CFAP58: variants seen among roughly 807,000 people sequenced by gnomAD.
The protein encoded by CFAP58 is cilia- and flagella-associated protein 58.
In CFAP58, 88 loss-of-function variants were observed where a neutral mutation model predicts 119.5. The observed-to-expected ratio is 0.74, with a 90% CI of 0.62 to 0.88. The LOEUF (loss-of-function observed/expected upper bound fraction) is 0.88, where lower values mean the gene tolerates loss of function less well. CFAP58 is among the 40% of genes least tolerant of loss of function. CFAP58 has a pLI of 0.00. For synonymous variants in CFAP58, 365 were observed against 366.3 expected (o/e 1.00, Z 0.04); for missense variants, 990 against 1,021.2 (o/e 0.97, Z 0.42).
At chr10:104,353,971 A>G in intron 1 of CFAP58, 65 bp downstream of exon 1, 2 of 1,572,092 alleles carry the variant, frequency 1.3e-6, no homozygotes, top group Non-Finnish European at 1.7e-6. Context: ...TCTCCTACTG[A>G]CGATTGTCAC....
At chr10:104,394,716 A>G (rs2012116744) in intron 11 of CFAP58, among the ~76,000 whole-genome samples, 2 of 152,242 alleles carry the variant, frequency 1.3e-5, no homozygotes, top group East Asian at 3.8e-4. Context: ...TATGACAGAA[A>G]AAGAATAGAA....
intron 10 of CFAP58, among the ~76,000 whole-genome samples, chr10:104,392,744 A>T (rs1184355115): frequency 1.3e-5 from 2 of 148,344 alleles, no homozygotes; most frequent in Non-Finnish European, 3.0e-5. Context: ...GGTTCAAGTG[A>T]TTCTCCTGCC....
upstream of CFAP58, among the ~76,000 whole-genome samples, chr10:104,348,885 G>A (rs563151050): frequency 6.6e-6 from 1 of 152,162 alleles, no homozygotes; most frequent in Non-Finnish European, 1.5e-5. Flanking sequence ...ATACAGCAGA[G>A]TGCTGGCTGG....
At chr10:104,398,535 C>G (rs1471204816) in intron 11 of CFAP58, among the ~76,000 whole-genome samples, 2 of 152,162 alleles carry the variant, frequency 1.3e-5, no homozygotes, top group Admixed American at 6.5e-5. Flanking sequence ...AAAAATTGTC[C>G]TGCTGAAACT....
At chr10:104,340,842 A>C in the CFAP58 span, among the ~76,000 whole-genome samples, 10 of 152,158 alleles carry the variant, frequency 6.6e-5, no homozygotes, top group East Asian at 1.9e-3. Flanking sequence ...TGGACTTGAG[A>C]TCTCTGCCTA....
At chr10:104,374,432 C>A (rs2014862162) in intron 7 of CFAP58, among the ~76,000 whole-genome samples, 1 of 111,916 alleles carries the variant, frequency 8.9e-6, no homozygotes, top group East Asian at 2.8e-4. Context: ...GCCTGGGTGA[C>A]AGAGCGAGAC....
At chr10:104,351,463 C>G (rs2014458589), upstream of CFAP58, 1 of 152,218 alleles carries the variant, frequency 6.6e-6, no homozygotes, top group African/African-American at 2.4e-5. Context: ...AGCATGATGA[C>G]TAACTAAAAA....
the CFAP58 span, among the ~76,000 whole-genome samples, chr10:104,341,358 T>TA: frequency 6.6e-6 from 1 of 151,850 alleles, no homozygotes; most frequent in African/African-American, 2.4e-5. Context: ...GTAAATGTAA[T>TA]AAACAGGAAA....
intron 12 of CFAP58, among the ~76,000 whole-genome samples, chr10:104,400,016 G>A (rs562919826): frequency 6.6e-6 from 1 of 152,170 alleles, no homozygotes; most frequent in Admixed American, 6.5e-5. Flanking sequence ...GTGCAAGACA[G>A]AAGGAAGTAG....
At chr10:104,445,258 G>A (rs2013095573) in intron 15 of CFAP58, among the ~76,000 whole-genome samples, 3 of 151,634 alleles carry the variant, frequency 2.0e-5, no homozygotes, top group Admixed American at 1.3e-4. Context: ...AGGAGGTTGA[G>A]GCTGCAGTGA....
intron 10 of CFAP58, 105 bp downstream of exon 10, chr10:104,392,499 ACTCATGGAATTCACCTG>A: frequency 1.3e-6 from 1 of 780,860 alleles, no homozygotes. Context: ...TAAAAAAAAA[ACTCATGGAATTCACCTG>A]AAAAGATCAA....
intron 5 of CFAP58, among the ~76,000 whole-genome samples, chr10:104,366,818 G>T (rs917481781): frequency 2.0e-5 from 3 of 151,946 alleles, no homozygotes; most frequent in African/African-American, 7.2e-5. Flanking sequence ...TCCACTGGGT[G>T]AGTATAACAA....
In CFAP58 at chr10:104,411,765, T is replaced by A. The variant is rs115046650; in HGVS notation, c.2256+4972T>A. Among the ~76,000 whole-genome samples, 480 of 152,274 alleles carry A rather than the reference T, an allele frequency of 3.2e-3. 1 individual carries two copies. The highest frequency in any genetic ancestry group is 0.011 in the African/African-American group (462 of 41,546). On this transcript the variant is annotated intron_variant, in intron 15 of 17. Transcript: ENST00000369704. ...ACAAATTCTTAGGGAAGCAACTTTT[T>A]TTTTTTTCCCCCACCCAGAGCCCAG... is the stretch of plus-strand genomic sequence containing the variant.
intron 3 of CFAP58, among the ~76,000 whole-genome samples, chr10:104,364,161 G>A (rs2014708734): frequency 6.6e-6 from 1 of 152,144 alleles, no homozygotes; most frequent in Admixed American, 6.5e-5. Context: ...AACTAGCAAT[G>A]CATATTATTT....
intron 11 of CFAP58, among the ~76,000 whole-genome samples, chr10:104,397,925 T>G (rs2133039527): frequency 6.6e-6 from 1 of 152,372 alleles, no homozygotes; most frequent in South Asian, 2.1e-4. Context: ...CTGTCTGGCT[T>G]AGCTGTTTGT....
intron 15 of CFAP58, among the ~76,000 whole-genome samples, chr10:104,429,709 G>T (rs1190711779): frequency 6.6e-6 from 1 of 152,074 alleles, no homozygotes; most frequent in African/African-American, 2.4e-5. Flanking sequence ...CAAGGTACAC[G>T]TTTATACCAT....
chr10:104,400,353 G>C (rs1411099971), intron 12 of CFAP58, among the ~76,000 whole-genome samples: 5 of 152,044 alleles, frequency 3.3e-5, no homozygotes, highest in African/African-American at 9.7e-5. Flanking sequence ...CATCATGTTG[G>C]CCAGGCTGCT....
intron 15 of CFAP58, among the ~76,000 whole-genome samples, chr10:104,434,145 G>C (rs978834271): frequency 6.6e-6 from 1 of 152,168 alleles, no homozygotes; most frequent in East Asian, 1.9e-4. Context: ...GATGTGTGAG[G>C]ACCACATGGA....
the CFAP58 span, among the ~76,000 whole-genome samples, chr10:104,347,815 G>A: frequency 6.6e-6 from 1 of 152,096 alleles, no homozygotes; most frequent in African/African-American, 2.4e-5. Context: ...GTCTCTCAAG[G>A]GACCTGCCAC....
Sources: gnomAD v4.1 joint callset for allele counts (sites outside exome capture counted in the v4.1 genomes callset) on GRCh38, gnomAD v4.1.1 for gene constraint, MANE v1.5 for transcripts, NCBI Gene and HGNC (gene_info 2026-07-23, HGNC 2026-07-21) for gene names.